The following SRGAP2 variants were observed in gnomAD, a reference collection of about 807,000 sequenced individuals.
SRGAP2 encodes SLIT-ROBO Rho GTPase activating protein 2.
In SRGAP2, 15 loss-of-function variants were observed where a neutral mutation model predicts 57.2. That is an observed-to-expected ratio of 0.26 (90% CI 0.18 to 0.40). The LOEUF (loss-of-function observed/expected upper bound fraction) is 0.40, where lower values mean the gene tolerates loss of function less well. Among genes scored for constraint, SRGAP2 ranks in the 10% least tolerant of loss-of-function variants. The probability of loss-of-function intolerance (pLI) is 1.00; values close to 1 mark genes in which losing one functional copy is unlikely to be tolerated. For synonymous variants in SRGAP2, 249 were observed against 248.0 expected (o/e 1.00, Z -0.04); for missense variants, 520 against 669.6 (o/e 0.78, Z 2.47).
At chr1:206,448,703 A>G (rs145080036) in intron 18 of SRGAP2, among the ~76,000 whole-genome samples, 169 of 152,258 alleles carry the variant, frequency 1.1e-3, no homozygotes, top group African/African-American at 1.7e-3. Flanking sequence ...GGCTGTGTAA[A>G]TAAACTTGAA....
chr1:206,348,089 GT>G (rs1411689951), intron 4 of SRGAP2, among the ~76,000 whole-genome samples: 1 of 146,944 alleles, frequency 6.8e-6, no homozygotes. Context: ...TAGCCCTCTG[GT>G]TTGTGGTAAT....
Position 206,461,645 on chromosome 1 carries a change from T to G in SRGAP2, c.*225T>G, listed in dbSNP as rs976697405. 9.1e-6 allele frequency: 5 copies of G among 546,726 alleles called. No individual in the cohort carries two copies. The highest frequency in any genetic ancestry group is 1.6e-5 in the Non-Finnish European group (5 of 309,688). 33.9% of individuals were successfully genotyped at this position (546,726 alleles called of 1,614,324 possible). On this transcript the variant is annotated 3_prime_UTR_variant, in exon 23 of 23. Coordinates refer to ENST00000573034, the MANE Select transcript of SRGAP2 (RefSeq NM_015326.5). ...CCCCAGTCGTCGTAATTCAGCCAGCTGCAGTCCGTACCGTTCTTAGGTTAG... is the reference window on the plus strand; with the variant it reads ...CCCCAGTCGTCGTAATTCAGCCAGCGGCAGTCCGTACCGTTCTTAGGTTAG...
chr1:206,313,101 G>T (rs1672787345), intron 3 of SRGAP2, among the ~76,000 whole-genome samples: 2 of 142,802 alleles, frequency 1.4e-5, no homozygotes, highest in East Asian at 2.0e-4. Flanking sequence ...CTACATTTCT[G>T]TCCTGCTGTG....
Position 206,454,109 on chromosome 1 carries a change from GT to G in SRGAP2, c.2360+734del. On this transcript the variant is annotated intron_variant, in intron 20 of 22. Coordinates refer to ENST00000573034, the MANE Select transcript of SRGAP2 (RefSeq NM_015326.5). The surrounding 1 kb of genome is among the most constrained non-coding windows in gnomAD (Gnocchi z 4.3). Reference sequence around the variant, plus strand: ...CTCCCTTGGATACGATGCTGTCAGTGTTTTTAGTCCTTCCCTTAATATTATT... The same window carrying G: ...CTCCCTTGGATACGATGCTGTCAGTGTTTTAGTCCTTCCCTTAATATTATT... The G allele has an allele frequency of 4.3e-6, 3 of 702,426 alleles. No individual in the cohort carries two copies. The South Asian group carries it at 4.4e-5, about 10-fold the overall frequency. The allele number at this position is 702,426 out of a possible 1,614,324, so 43.5% of individuals were successfully genotyped here. A position where few individuals can be genotyped will look rare whatever the true frequency, so the allele number is the denominator to read the frequency against.
rs1553342852 is a variant in SRGAP2, at chr1:206,372,905, T to C, written c.424-11109T>C. Among the ~76,000 whole-genome samples, 4 of 5,590 alleles carry C rather than the reference T, an allele frequency of 7.2e-4. No individual in the cohort carries two copies. In the African/African-American group the frequency reaches 0.011, roughly 15 times the overall value. The allele number at this position is 5,590 out of a possible 152,430, so 3.7% of individuals were successfully genotyped here. A position where few individuals can be genotyped will look rare whatever the true frequency, so the allele number is the denominator to read the frequency against. ...CTTTCTTTCTTTCTCTCTCCTTTCT[T>C]TCTTTCTTTCTTTCTTTCTTTCTTT... On this transcript the variant is annotated intron_variant, in intron 4 of 22. Transcript: ENST00000573034.
At chr1:206,434,346 A>G (rs1462146686) in intron 14 of SRGAP2, among the ~76,000 whole-genome samples, 1 of 152,242 alleles carries the variant, frequency 6.6e-6, no homozygotes, top group Non-Finnish European at 1.5e-5. Context: ...GATAACGTGA[A>G]CATGAGATGG....
chr1:206,418,206 A>G (rs1659917396), intron 11 of SRGAP2, among the ~76,000 whole-genome samples: 1 of 152,150 alleles, frequency 6.6e-6, no homozygotes, highest in African/African-American at 2.4e-5. Context: ...CTTGCCGTAG[A>G]GGGATAATTG....
intron 2 of SRGAP2, among the ~76,000 whole-genome samples, chr1:206,242,051 A>G (rs1668269809): frequency 6.7e-6 from 1 of 148,998 alleles, no homozygotes; most frequent in Admixed American, 6.7e-5. Context: ...TGGTATCCAT[A>G]TGAATTTGAT....
chr1:206,419,463 T>A (rs112845390), intron 12 of SRGAP2, 63 bp downstream of exon 12: 2 of 779,654 alleles, frequency 2.6e-6, no homozygotes, highest in African/African-American at 1.7e-5. Context: ...GCAATCTTAC[T>A]CTGGGAGAGA....
Position 206,415,919 on chromosome 1 carries a change from C to T in SRGAP2, c.1387C>T (p.Leu463Phe), listed in dbSNP as rs1659663165. The change falls in exon 11 of 23, where the codon CTC (leucine) becomes TTC (phenylalanine). Residue 463 changes from leucine to phenylalanine, a missense_variant. Around this residue, in one of 5 missense-constraint regions of SRGAP2, gnomAD observed 478 missense variants for 373.6 expected, o/e 1.28. Transcript: ENST00000573034. ...KMKEYLEGRNLITKLQAKHDL... is the reference protein window; with the variant it reads ...KMKEYLEGRNFITKLQAKHDL... ...GAAAGAGTACCTGGAGGGCAGGAAC[C>T]TCATCACCAAGTTACAAGCCAAGCA... is the stretch of plus-strand genomic sequence containing the variant. 2 of 780,440 alleles carry T rather than the reference C, an allele frequency of 2.6e-6. No homozygotes were observed. Among genetic ancestry groups the T allele is most frequent in the African/African-American group, 1.7e-5 (1 of 59,110 alleles). 48.3% of individuals were successfully genotyped at this position (780,440 alleles called of 1,614,324 possible). A position where few individuals can be genotyped will look rare whatever the true frequency, so the allele number is the denominator to read the frequency against.
chr1:206,418,663 T>C (rs1171503754), intron 11 of SRGAP2, among the ~76,000 whole-genome samples: 2 of 152,288 alleles, frequency 1.3e-5, no homozygotes, highest in Non-Finnish European at 1.5e-5. Flanking sequence ...GATTTTCAGT[T>C]TCATTTTTTT....
chr1:206,420,373 G>C (rs184125499), intron 12 of SRGAP2, among the ~76,000 whole-genome samples: 5 of 152,204 alleles, frequency 3.3e-5, no homozygotes, highest in African/African-American at 1.2e-4. Context: ...GAGTCTTACT[G>C]TAAGTTCACC....
At chr1:206,457,227 A>G (rs1214108886) in intron 21 of SRGAP2, among the ~76,000 whole-genome samples, 1 of 152,086 alleles carries the variant, frequency 6.6e-6, no homozygotes, top group Non-Finnish European at 1.5e-5. Context: ...GCAAAGAGCT[A>G]TTAGGGTGTG....
chr1:206,278,955 T>G (rs1299356120), intron 2 of SRGAP2, among the ~76,000 whole-genome samples: 1 of 149,834 alleles, frequency 6.7e-6, no homozygotes, highest in Non-Finnish European at 1.5e-5. Flanking sequence ...GAGAGGTTTT[T>G]AGGAGGAAGG....
chr1:206,305,811 G>A (rs1672158988), intron 3 of SRGAP2, among the ~76,000 whole-genome samples: 1 of 151,682 alleles, frequency 6.6e-6, no homozygotes, highest in Non-Finnish European at 1.5e-5. Context: ...AATGAAGATG[G>A]GGTTAAGGTT....
intron 2 of SRGAP2, among the ~76,000 whole-genome samples, chr1:206,213,539 A>C (rs530317942): frequency 1.3e-5 from 2 of 151,830 alleles, no homozygotes; most frequent in South Asian, 4.2e-4. Flanking sequence ...TGCTTTTAGG[A>C]GGGAAGGTAC....
chr1:206,438,809 T>C (rs1206756135), intron 16 of SRGAP2, among the ~76,000 whole-genome samples: 1 of 152,184 alleles, frequency 6.6e-6, no homozygotes, highest in Non-Finnish European at 1.5e-5. Context: ...AGTGGTACCT[T>C]TGAATGGAGA....
In SRGAP2 at chr1:206,395,655, T is replaced by A. The variant is rs568594453; in HGVS notation, c.831+1982T>A. Among the ~76,000 whole-genome samples, 5 of 151,880 alleles carry A rather than the reference T, an allele frequency of 3.3e-5. No individual in the cohort carries two copies. The South Asian group carries it at 1.0e-3, about 32-fold the overall frequency. ...CTATTGGTTAGCCCTCTTCTCTTTT[T>A]TTGTACTCAAGGCAACTTCCCTACC... On this transcript the variant is annotated intron_variant, in intron 7 of 22. Coordinates refer to ENST00000573034, the MANE Select transcript of SRGAP2 (RefSeq NM_015326.5).
At chr1:206,402,422 T>C (rs1658278013) in intron 8 of SRGAP2, among the ~76,000 whole-genome samples, 2 of 152,224 alleles carry the variant, frequency 1.3e-5, no homozygotes, top group South Asian at 4.1e-4. Context: ...AATCTTTTGG[T>C]TCCACTTGTG....
Sources: allele counts gnomAD v4.1 joint callset (sites outside exome capture counted in the v4.1 genomes callset), GRCh38; gene constraint gnomAD v4.1.1; regional missense constraint gnomAD v4.1.1; non-coding constraint Gnocchi (gnomAD v3.1); transcripts MANE v1.5; gene names NCBI Gene and HGNC (gene_info 2026-07-23, HGNC 2026-07-21).